The following PCNA variants were observed in gnomAD, a reference collection of about 807,000 sequenced individuals.
PCNA encodes the protein DNA sliding clamp PCNA.
A neutral mutation model predicts 27.8 loss-of-function variants in PCNA; 4 were observed. That is an observed-to-expected ratio of 0.14 (90% confidence interval 0.07 to 0.33). The LOEUF (loss-of-function observed/expected upper bound fraction) is 0.33, where lower values mean the gene tolerates loss of function less well. Ranked by LOEUF, PCNA falls within the 10% of genes least tolerant of loss-of-function variation. PCNA has a pLI of 1.00. For missense variants in PCNA, 165 were observed against 327.4 expected (o/e 0.50, Z 3.83); for synonymous variants, 121 against 119.4 (o/e 1.01, Z -0.09).
chr20:5,118,719 G>A (rs1300917818), intron 2 of PCNA, 42 bp from the exon 3 acceptor site: 1 of 1,607,142 alleles, frequency 6.2e-7, no homozygotes, highest in Non-Finnish European at 8.5e-7. Flanking sequence ...TACTGACACA[G>A]AGTTTTGATT....
In PCNA at chr20:5,119,428, T is replaced by A. The variant is rs1275589003; in HGVS notation, c.221+150A>T. ...GCGCGGGCTTTTCCGAACCGCGCGC[T>A]CAGCTGGGCCCCACCCCACTGCGTG... On this transcript the variant is annotated intron_variant, in intron 1 of 5. Coordinates refer to ENST00000379143, the MANE Select transcript of PCNA (RefSeq NM_182649.2). The A allele has an allele frequency of 2.9e-5, 19 of 658,110 alleles. No homozygotes were observed. The South Asian group carries it at 2.9e-4, about 10-fold the overall frequency. 40.8% of individuals were successfully genotyped at this position (658,110 alleles called of 1,614,324 possible).
chr20:5,121,952 T>C (rs2090520876), upstream of PCNA, among the ~76,000 whole-genome samples: 1 of 149,368 alleles, frequency 6.7e-6, no homozygotes, highest in South Asian at 2.1e-4. Context: ...GCTTTATCAC[T>C]TAGAATTTCT....
upstream of PCNA, chr20:5,120,062 T>A (rs2090508235): frequency 4.1e-6 from 2 of 488,844 alleles, no homozygotes; most frequent in Admixed American, 3.4e-5. Flanking sequence ...GCCAATCGTG[T>A]CCATGCTCCC....
chr20:5,123,968 T>C (rs1026469517), upstream of PCNA, among the ~76,000 whole-genome samples: 1 of 152,166 alleles, frequency 6.6e-6, no homozygotes, highest in African/African-American at 2.4e-5. Flanking sequence ...TTAAGAGAAA[T>C]AGAAAATTTA....
At chr20:5,119,542 G>C in intron 1 of PCNA, 36 bp downstream of exon 1, 2 of 1,558,534 alleles carry the variant, frequency 1.3e-6, no homozygotes, top group East Asian at 2.3e-5. Flanking sequence ...AGGTGCAGGC[G>C]GGCCGGGGCC....
At position 5,118,828 on chromosome 20, in the gene PCNA, A is replaced by G. The variant is rs1369529459; in HGVS notation, c.260T>C (p.Ile87Thr). 5 of 1,613,818 alleles carry G rather than the reference A, an allele frequency of 3.1e-6. No individual in the cohort carries two copies. The highest frequency in any genetic ancestry group is 1.3e-5 in the African/African-American group (1 of 75,038). The change falls in exon 2 of 6, where the codon ATC (isoleucine) becomes ACC (threonine). Residue 87 changes from isoleucine to threonine, a missense_variant. Coordinates refer to ENST00000379143, the MANE Select transcript of PCNA (RefSeq NM_182649.2). ...KILKCAGNEDIITLRAEDNAD... is the reference protein window; with the variant it reads ...KILKCAGNEDTITLRAEDNAD... ...GTTATCTTCGGCCCTTAGTGTAATG[A>G]TATCTTCATTGCCGGCGCATTTTAG...
chr20:5,123,515 T>A (rs977943530), upstream of PCNA, among the ~76,000 whole-genome samples: 1 of 151,968 alleles, frequency 6.6e-6, no homozygotes, highest in African/African-American at 2.4e-5. Flanking sequence ...GCCAACATGG[T>A]GAAACCCCGT....
intron 3 of PCNA, 51 bp from the exon 4 acceptor site, chr20:5,117,715 T>A: frequency 8.6e-7 from 1 of 1,167,470 alleles, no homozygotes; most frequent in Non-Finnish European, 1.2e-6. Context: ...ATTTAATGAT[T>A]TGGCACCCTC....
At chr20:5,118,919 G>GT (rs1207990009) in intron 1 of PCNA, 53 bp from the exon 2 acceptor site, 6 of 1,290,908 alleles carry the variant, frequency 4.6e-6, no homozygotes, top group Non-Finnish European at 6.7e-6. Context: ...CTGAAGGGCT[G>GT]TATTTCGAAC....
chr20:5,119,894 G>A lies in PCNA; in HGVS notation c.-96C>T. The A allele has an allele frequency of 2.1e-6, 2 of 934,988 alleles. No homozygotes were observed. Among genetic ancestry groups the A allele is most frequent in the Non-Finnish European group, 3.3e-6 (2 of 605,122 alleles). The allele number at this position is 934,988 out of a possible 1,614,324, so 57.9% of individuals were successfully genotyped here. A position where few individuals can be genotyped will look rare whatever the true frequency, so the allele number is the denominator to read the frequency against. ...GGAGCCTCAGAGCGAGCGGGCGAAC[G>A]TCGCGACGACCGGCTGAGACCTAGA... On this transcript the variant is annotated 5_prime_UTR_variant, in exon 1 of 6. In the 5' UTR this introduces an upstream ATG that the reference lacks. Transcript: ENST00000379143.
chr20:5,125,100 A>G (rs1189419787), intron 1 of PCNA, among the ~76,000 whole-genome samples: 1 of 152,158 alleles, frequency 6.6e-6, no homozygotes, highest in East Asian at 1.9e-4. Context: ...GAACTTTAGG[A>G]GGCCTATGTG....
At position 5,118,749 on chromosome 20, in the gene PCNA, G is replaced by A. The variant is rs924600613; in HGVS notation, c.319+20C>T. The A allele has an allele frequency of 1.9e-6, 3 of 1,608,790 alleles. No homozygotes were observed. The African/African-American group carries it at 4.0e-5, about 21-fold the overall frequency. ...TTGATTTTCTGTAGCTTCGTGACTC[G>A]GTAAAAAGGTACGACTTACTTGGTG... is the stretch of plus-strand genomic sequence containing the variant. On this transcript the variant is annotated intron_variant, in intron 2 of 5. Transcript: ENST00000379143.
chr20:5,116,204 C>T (rs3730439), intron 4 of PCNA, among the ~76,000 whole-genome samples: 156 of 152,284 alleles, frequency 1.0e-3, no homozygotes, highest in African/African-American at 3.6e-3. Context: ...TTGGCACACA[C>T]CTGTAGTCCC....
chr20:5,126,079 CAA>C (rs1234819261), intron 1 of PCNA, among the ~76,000 whole-genome samples: 4 of 152,164 alleles, frequency 2.6e-5, no homozygotes, highest in Non-Finnish European at 5.9e-5. Flanking sequence ...ACTAAAAATA[CAA>C]AAGTTAGCCG....
chr20:5,124,632 A>G (rs906756734), upstream of PCNA, among the ~76,000 whole-genome samples: 4 of 152,032 alleles, frequency 2.6e-5, no homozygotes, highest in Admixed American at 6.6e-5. Context: ...CTGTCTAAAA[A>G]AAAAAAACAA....
chr20:5,124,964 G>A (rs75178168), intron 1 of PCNA, among the ~76,000 whole-genome samples: 2 of 152,322 alleles, frequency 1.3e-5, no homozygotes, highest in Non-Finnish European at 2.9e-5. Flanking sequence ...GGACTGACAT[G>A]ACACTCACTT....
In PCNA at chr20:5,118,771, G is replaced by A. The variant is rs757469185; in HGVS notation, c.317C>T (p.Pro106Leu). 6.2e-7 allele frequency: 1 copy of A among 1,613,124 alleles called. No individual in the cohort carries two copies. Among genetic ancestry groups the A allele is most frequent in the Non-Finnish European group, 8.5e-7 (1 of 1,179,044 alleles). Residue 106 changes from proline (P) to leucine (L), a missense_variant and splice_region_variant, in exon 2 of 6, where the codon CCA (proline) becomes CTA (leucine). Pro to Leu is a moderately conservative substitution (Grantham distance 98). Transcript: ENST00000379143. ...ADTLALVFEA[P>L]NQEKVSDYEM... ...CTCGGTAAAAAGGTACGACTTACTT[G>A]GTGCTTCAAATACTAGCGCCAAGGT...
intron 3 of PCNA, 127 bp from the exon 4 acceptor site, chr20:5,117,791 C>T: frequency 1.7e-6 from 1 of 579,862 alleles, no homozygotes; most frequent in Non-Finnish European, 3.0e-6. Context: ...TAAAATATGA[C>T]TTGCGTAATT....
chr20:5,119,270 T>C (rs761139108), intron 1 of PCNA, among the ~76,000 whole-genome samples: 24 of 151,708 alleles, frequency 1.6e-4, no homozygotes, highest in Non-Finnish European at 1.0e-4. Flanking sequence ...AAAGCGTCCA[T>C]TCAAGGCCAA....
Sources: allele counts gnomAD v4.1 joint callset (sites outside exome capture counted in the v4.1 genomes callset), GRCh38; gene constraint gnomAD v4.1.1; transcripts MANE v1.5; gene names NCBI Gene and HGNC (gene_info 2026-07-23, HGNC 2026-07-21).